Variants in SPAG16 observed in about 807,000 individuals in gnomAD.
SPAG16 encodes the protein sperm associated antigen 16, also known as sperm-associated antigen 16 protein.
A neutral mutation model predicts 80.4 loss-of-function variants in SPAG16; 86 were observed. The observed-to-expected ratio is 1.07, with a 90% CI of 0.90 to 1.28. The LOEUF is 1.28. Ranked by LOEUF, SPAG16 falls within the 50% of genes most tolerant of loss-of-function variation. The pLI, the probability that SPAG16 is intolerant of heterozygous loss-of-function variation, is 0.00. For synonymous variants in SPAG16, 294 were observed against 265.9 expected (o/e 1.11, Z -1.03); for missense variants, 870 against 765.3 (o/e 1.14, Z -1.61).
chr2:213,303,968 T>A (rs1575131519), intron 3 of SPAG16, among the ~76,000 whole-genome samples: 1 of 152,090 alleles, frequency 6.6e-6, no homozygotes, highest in Non-Finnish European at 1.5e-5. Flanking sequence ...AACCTGTTCT[T>A]TATAGTGGTT....
intron 13 of SPAG16, among the ~76,000 whole-genome samples, chr2:214,075,730 G>A (rs186653177): frequency 2.6e-4 from 40 of 152,280 alleles, no homozygotes; most frequent in Non-Finnish European, 4.7e-4. Context: ...CACACATGAT[G>A]ATAATTAAGT....
intron 13 of SPAG16, among the ~76,000 whole-genome samples, chr2:214,102,188 C>T (rs563711939): frequency 1.4e-5 from 2 of 140,602 alleles, no homozygotes; most frequent in African/African-American, 2.6e-5. Flanking sequence ...ATAACTGTAT[C>T]GTATCTTACC....
intron 12 of SPAG16, among the ~76,000 whole-genome samples, chr2:213,989,933 C>T (rs1391013043): frequency 6.6e-6 from 1 of 151,676 alleles, no homozygotes; most frequent in Non-Finnish European, 1.5e-5. Flanking sequence ...GTTCATATTG[C>T]AAAAAAATAA....
In SPAG16 at chr2:213,449,210, G is replaced by A. The variant is rs543035311; in HGVS notation, c.943-40753G>A. On this transcript the variant is annotated intron_variant, in intron 9 of 15. Transcript: ENST00000331683. ...CTAGGGTGGGGAAAAACTCTGCCCT[G>A]GTAAATTTGTGGTCAGACCGGTTCT... Among the ~76,000 whole-genome samples the A allele has an allele frequency of 3.3e-5, 5 of 152,200 alleles. No homozygotes were observed. The South Asian group carries it at 1.0e-3, about 32-fold the overall frequency.
At chr2:214,144,888 A>G (rs1380682250) in intron 14 of SPAG16, among the ~76,000 whole-genome samples, 1 of 152,096 alleles carries the variant, frequency 6.6e-6, no homozygotes, top group African/African-American at 2.4e-5. Context: ...TGAGTCTTCC[A>G]AAATAGGTTA....
chr2:214,396,901 TA>T (rs1018302589), intron 15 of SPAG16, among the ~76,000 whole-genome samples: 2 of 151,838 alleles, frequency 1.3e-5, no homozygotes, highest in African/African-American at 4.8e-5. Flanking sequence ...AAATAGCCCT[TA>T]AAAAAAGCAC....
chr2:214,012,505 A>C (rs534465007), intron 12 of SPAG16, among the ~76,000 whole-genome samples: 167 of 151,528 alleles, frequency 1.1e-3, no homozygotes, highest in African/African-American at 4.0e-3. Context: ...CATGTTGGTC[A>C]GGCTGGTCTC....
intron 10 of SPAG16, among the ~76,000 whole-genome samples, chr2:213,652,103 A>G (rs2063045765): frequency 6.6e-6 from 1 of 152,190 alleles, no homozygotes. Flanking sequence ...GATATAGCCT[A>G]AAATCAAATG....
chr2:213,687,566 A>G (rs2064744009), intron 10 of SPAG16, among the ~76,000 whole-genome samples: 1 of 152,152 alleles, frequency 6.6e-6, no homozygotes, highest in East Asian at 1.9e-4. Context: ...TTCTTTTAGT[A>G]TTTAAAAATG....
At chr2:213,466,185 A>C (rs2072683521) in intron 9 of SPAG16, among the ~76,000 whole-genome samples, 1 of 152,134 alleles carries the variant, frequency 6.6e-6, no homozygotes, top group African/African-American at 2.4e-5. Flanking sequence ...CAGACAGCCT[A>C]CTGTGGGACC....
At chr2:213,632,783 C>T (rs754415934) in intron 10 of SPAG16, among the ~76,000 whole-genome samples, 14 of 152,008 alleles carry the variant, frequency 9.2e-5, no homozygotes, top group South Asian at 2.1e-4. Flanking sequence ...GATTGATTGG[C>T]GTAAGTTAAA....
At chr2:213,605,651 G>A (rs2061233003) in intron 10 of SPAG16, among the ~76,000 whole-genome samples, 1 of 151,960 alleles carries the variant, frequency 6.6e-6, no homozygotes. Context: ...CACCACACCT[G>A]GCTAATTTTT....
intron 10 of SPAG16, among the ~76,000 whole-genome samples, chr2:213,766,719 C>G (rs571130372): frequency 3.9e-5 from 6 of 152,264 alleles, no homozygotes; most frequent in African/African-American, 7.2e-5. Flanking sequence ...GAAGTACAGG[C>G]TACTGAGTCA....
intron 13 of SPAG16, among the ~76,000 whole-genome samples, chr2:214,062,473 TACA>T (rs1486284207): frequency 1.4e-5 from 2 of 140,554 alleles, no homozygotes; most frequent in African/African-American, 5.2e-5. Flanking sequence ...CTGACCTCAC[TACA>T]ACATTACCAC....
At chr2:213,717,955 A>C (rs1394704095) in intron 10 of SPAG16, among the ~76,000 whole-genome samples, 2 of 152,164 alleles carry the variant, frequency 1.3e-5, no homozygotes, top group Admixed American at 1.3e-4. Context: ...CTTCATGACT[A>C]AAACACGAAA....
chr2:213,878,447 T>G (rs1251958751), intron 11 of SPAG16, among the ~76,000 whole-genome samples: 1 of 152,022 alleles, frequency 6.6e-6, no homozygotes, highest in Non-Finnish European at 1.5e-5. Flanking sequence ...TTGTCTGTCT[T>G]CTTTTGGAAA....
intron 15 of SPAG16, among the ~76,000 whole-genome samples, chr2:214,354,143 A>C (rs1912188): frequency 0.68 from 103,616 of 151,420 alleles, 40,115 homozygotes; most frequent in South Asian, 0.87. Flanking sequence ...AAATTAAAAT[A>C]AAAAAATCAA....
intron 15 of SPAG16, among the ~76,000 whole-genome samples, chr2:214,235,040 C>T (rs1688981646): frequency 6.6e-6 from 1 of 152,058 alleles, no homozygotes; most frequent in African/African-American, 2.4e-5. Context: ...TTATGACCCT[C>T]TTGAAAATAA....
chr2:213,702,806 T>C (rs898411419), intron 10 of SPAG16, among the ~76,000 whole-genome samples: 2 of 152,272 alleles, frequency 1.3e-5, no homozygotes, highest in Middle Eastern at 3.4e-3. Flanking sequence ...AGAGTTGATA[T>C]ATATCAAGAA....
Sources: allele counts gnomAD v4.1 joint callset (sites outside exome capture counted in the v4.1 genomes callset), GRCh38; gene constraint gnomAD v4.1.1; transcripts MANE v1.5; gene names NCBI Gene and HGNC (gene_info 2026-07-23, HGNC 2026-07-21).